SRCAP: variants seen among roughly 807,000 people sequenced by gnomAD.
SRCAP encodes Snf2 related CREBBP activator protein.
Under a neutral mutation model 263.1 loss-of-function variants are expected in SRCAP, and 46 were observed. The ratio of observed to expected loss-of-function variants is 0.17; its 90% CI spans 0.14 to 0.22. The LOEUF (loss-of-function observed/expected upper bound fraction) is 0.22, where lower values mean the gene tolerates loss of function less well. SRCAP is among the 10% of genes least tolerant of loss of function. The pLI is 1.00. For synonymous variants in SRCAP, 1,813 were observed against 1,662.1 expected, an observed-to-expected ratio of 1.09 and a Z score of -2.21; for missense variants, 3,695 against 4,181.9, an observed-to-expected ratio of 0.88 and a Z score of 3.21.
At position 30,723,016 on chromosome 16, in the gene SRCAP, G is replaced by A. The variant is rs375447245; in HGVS notation, c.3946G>A (p.Ala1316Thr). The change falls in exon 24 of 34, where the codon GCC becomes ACC. Residue 1316 changes from alanine to threonine, a missense_variant. This residue lies in a region of SRCAP where 1,347 missense variants were observed against 1,304.4 expected (regional missense o/e 1.03). Transcript: ENST00000262518. ...TGVVKIVVRQ[A>T]PRDGLTPVPP... is the part of the protein sequence containing the mutation. ...CGTGGTGAAGATTGTAGTGAGACAA[G>A]CCCCTCGGGATGGACTGACTCCTGT... The A allele has an allele frequency of 1.9e-6, 3 of 1,614,034 alleles. No individual in the cohort carries two copies. In the South Asian group the frequency reaches 3.3e-5, roughly 18 times the overall value.
chr16:30,703,484 A>G (rs1410122936), intron 3 of SRCAP, among the ~76,000 whole-genome samples: 1 of 150,304 alleles, frequency 6.7e-6, no homozygotes, highest in African/African-American at 2.4e-5. Flanking sequence ...ATGAGCCACC[A>G]CCCCCGGCCT....
At chr16:30,705,027 G>C (rs543196749) in intron 4 of SRCAP, among the ~76,000 whole-genome samples, 1 of 152,220 alleles carries the variant, frequency 6.6e-6, no homozygotes, top group Non-Finnish European at 1.5e-5. Context: ...TTTGCCGGGC[G>C]TGGTGGCTCA....
rs780179423 is a variant in SRCAP at position 30,713,157 on chromosome 16, C to T, written c.2131-51C>T. 3 of 1,573,030 alleles carry T rather than the reference C, an allele frequency of 1.9e-6. No homozygotes were observed. In the East Asian group the frequency reaches 6.7e-5, roughly 35 times the overall value. ...AGGAGTTTAGCATGTCTTCCCTTTG[C>T]TCTCTTCTTTTCATCCCACTATCTG... On this transcript the variant is annotated intron_variant, in intron 14 of 33. Transcript: ENST00000262518.
chr16:30,720,095 C>A, intron 18 of SRCAP, 67 bp from the exon 19 acceptor site: 1 of 1,535,560 alleles, frequency 6.5e-7, no homozygotes, highest in Non-Finnish European at 8.9e-7. Flanking sequence ...TGGCCTCCAG[C>A]TACATCTGCG....
In SRCAP at chr16:30,733,963, C is replaced by T. The variant is rs2053136083; in HGVS notation, c.6564C>T (p.Asp2188=). ...KKANQKRMLG[D]MAIEGGNFTT... is the part of the protein sequence containing the mutation. ...CAAATCAGAAGAGAATGTTGGGGGACATGGCCATTGAGGGAGGCAACTTCA... is the reference window on the plus strand; with the variant it reads ...CAAATCAGAAGAGAATGTTGGGGGATATGGCCATTGAGGGAGGCAACTTCA... Residue 2188 remains aspartate, a synonymous_variant, in exon 30 of 34, where the codon GAC becomes GAT. Coordinates refer to ENST00000262518, the MANE Select transcript of SRCAP (RefSeq NM_006662.3). This position sits in a 1 kb window ranked among gnomAD's most constrained non-coding sequence, Gnocchi z 5.3. The T allele has an allele frequency of 2.5e-6, 4 of 1,613,264 alleles. No homozygotes were observed. Among genetic ancestry groups the T allele is most frequent in the Non-Finnish European group, 2.5e-6 (3 of 1,179,584 alleles).
At position 30,707,557 on chromosome 16, in the gene SRCAP, T is replaced by G. The variant is rs1402826984; in HGVS notation, c.493-15T>G. 4 of 1,611,644 alleles carry G rather than the reference T, an allele frequency of 2.5e-6. No individual in the cohort carries two copies. The highest frequency in any genetic ancestry group is 3.4e-6 in the Non-Finnish European group (4 of 1,178,970). On this transcript the variant is annotated splice_polypyrimidine_tract_variant and intron_variant, in intron 5 of 33. Coordinates refer to ENST00000262518, the MANE Select transcript of SRCAP (RefSeq NM_006662.3). ...TGGCTTTGAGTGTTTTCACCCTGGG[T>G]CTTCATTCCCACAGGTGGTGCGCAT...
chr16:30,716,084 C>G lies in SRCAP; in HGVS notation c.2512C>G (p.Leu838Val). Reference protein sequence around the residue: ...RLHKVLRPFLLRRVKVDVEKQ... With the variant: ...RLHKVLRPFLVRRVKVDVEKQ... ...CTTTTAGGTTTTGAGGCCTTTTTTA[C>G]TGCGCCGAGTTAAGGTGGATGTTGA... Residue 838 changes from leucine to valine, a missense_variant, in exon 17 of 34, where the codon CTG becomes GTG. Transcript: ENST00000262518. The G allele has an allele frequency of 6.2e-7, 1 of 1,614,148 alleles. No homozygotes were observed. Among genetic ancestry groups the G allele is most frequent in the Non-Finnish European group, 8.5e-7 (1 of 1,180,034 alleles).
chr16:30,720,687 C>A (rs919674099), intron 19 of SRCAP, 26 bp from the exon 20 acceptor site: 2 of 1,569,808 alleles, frequency 1.3e-6, no homozygotes, highest in East Asian at 4.5e-5. Context: ...TCTGTCCCTA[C>A]CCACTCTCTT....
intron 16 of SRCAP, among the ~76,000 whole-genome samples, chr16:30,714,944 G>A (rs1333622316): frequency 6.6e-6 from 1 of 151,734 alleles, no homozygotes; most frequent in South Asian, 2.1e-4. Context: ...GTCTTCTTTG[G>A]CTCTTCCTTT....
Position 30,723,590 on chromosome 16 carries a change from C to G in SRCAP, c.4166C>G (p.Ala1389Gly). 1 of 1,611,382 alleles carries G rather than the reference C, an allele frequency of 6.2e-7. No individual in the cohort carries two copies. Among genetic ancestry groups the G allele is most frequent in the Non-Finnish European group, 8.5e-7 (1 of 1,178,494 alleles). The change falls in exon 25 of 34, where the codon GCC becomes GGC. Residue 1389 changes from alanine (A) to glycine (G), a missense_variant. Physicochemically the swap from Ala to Gly is moderately conservative, Grantham distance 60. Around this residue, in one of 12 missense-constraint regions of SRCAP, gnomAD observed 1,347 missense variants for 1,304.4 expected, o/e 1.03. Coordinates refer to ENST00000262518, the MANE Select transcript of SRCAP (RefSeq NM_006662.3). Reference protein sequence around the residue: ...HSPSPEVSASAPGAAPLTISS... With the variant: ...HSPSPEVSASGPGAAPLTISS... The stretch of plus-strand genomic sequence containing the variant: ...TCATCCTCTCTCTCCACAGCTTCAG[C>G]CCCCGGAGCTGCCCCCTTGACCATC...
intron 16 of SRCAP, among the ~76,000 whole-genome samples, chr16:30,714,509 T>TTTTTTTTTTTA (rs2052926283): frequency 7.7e-6 from 1 of 130,152 alleles, no homozygotes; most frequent in East Asian, 2.3e-4. Context: ...GTGCCGGGCT[T>TTTTTTTTTTTA]TTTTTTTTTT....
intron 31 of SRCAP, among the ~76,000 whole-genome samples, chr16:30,734,971 TCCC>T (rs1364410566): frequency 1.3e-5 from 2 of 152,058 alleles, no homozygotes; most frequent in Non-Finnish European, 2.9e-5. Context: ...AGGCTGAGGC[TCCC>T]AGCTGGAGAG....
At position 30,740,141 on chromosome 16, in the gene SRCAP, A is replaced by C. The variant is rs1164195403; in HGVS notation, c.*408A>C. ...TTTCTGTATGAGCATCCGCGTAAGG[A>C]GGCTTCTGATTTTCTGGTCTGGTGG... On this transcript the variant is annotated 3_prime_UTR_variant, in exon 34 of 34. Coordinates refer to ENST00000262518, the MANE Select transcript of SRCAP (RefSeq NM_006662.3). 1 of 151,582 alleles carries C rather than the reference A, an allele frequency of 6.6e-6. No individual in the cohort carries two copies. Among genetic ancestry groups the C allele is most frequent in the African/African-American group, 2.5e-5 (1 of 40,506 alleles). 9.4% of individuals were successfully genotyped at this position (151,582 alleles called of 1,614,324 possible). A position where few individuals can be genotyped will look rare whatever the true frequency, so the allele number is the denominator to read the frequency against.
At chr16:30,734,359 G>A in intron 30 of SRCAP, 137 bp from the exon 31 acceptor site, 1 of 1,308,062 alleles carries the variant, frequency 7.6e-7, no homozygotes, top group East Asian at 2.4e-5. Context: ...AAAACAAAAA[G>A]GACTGCTTTG....
chr16:30,734,281 T>C, intron 30 of SRCAP: 1 of 666,620 alleles, frequency 1.5e-6, no homozygotes, highest in East Asian at 2.8e-5. Flanking sequence ...AGGCGGAGGT[T>C]GCAGTGAGTT....
Position 30,738,907 on chromosome 16 carries a change from C to G in SRCAP, c.8867C>G (p.Ser2956Cys), listed in dbSNP as rs756483223. Reference sequence around the variant, plus strand: ...TTGCCCATCCCTGGGACCATTTCCTCTGCAGGGGATGGCAACTCCGAAAGT... The same window carrying G: ...TTGCCCATCCCTGGGACCATTTCCTGTGCAGGGGATGGCAACTCCGAAAGT... Reference protein sequence around the residue: ...RDLPIPGTISSAGDGNSESRT... With the variant: ...RDLPIPGTISCAGDGNSESRT... The change falls in exon 34 of 34, where the codon TCT becomes TGT. Residue 2956 changes from serine (S) to cysteine (C), a missense_variant. Around this residue, in one of 12 missense-constraint regions of SRCAP, gnomAD observed 1,207 missense variants for 1,142.9 expected, o/e 1.06. Coordinates refer to ENST00000262518, the MANE Select transcript of SRCAP (RefSeq NM_006662.3). 6.2e-7 allele frequency: 1 copy of G among 1,614,170 alleles called. No individual in the cohort carries two copies. Among genetic ancestry groups the G allele is most frequent in the East Asian group, 2.2e-5 (1 of 44,878 alleles).
In SRCAP at chr16:30,738,090, A is replaced by C. The variant is rs201528777; in HGVS notation, c.8050A>C (p.Thr2684Pro). The change falls in exon 34 of 34, where the codon ACC (threonine) becomes CCC (proline). Residue 2684 changes from threonine (T) to proline (P), a missense_variant. By Grantham distance (38) the Thr-to-Pro change is conservative. This residue lies in a region of SRCAP where 1,207 missense variants were observed against 1,142.9 expected (regional missense o/e 1.06). Transcript: ENST00000262518. ...SEELTEAKTP[T>P]SSPEKPQELV... is the part of the protein sequence containing the mutation. The stretch of plus-strand genomic sequence containing the variant: ...AGAGCTGACAGAGGCCAAGACCCCA[A>C]CCTCCAGCCCAGAGAAGCCACAGGA... 3.1e-6 allele frequency: 5 copies of C among 1,613,772 alleles called. No individual in the cohort carries two copies. The highest frequency in any genetic ancestry group is 1.6e-4 in the Middle Eastern group (1 of 6,062).
intron 14 of SRCAP, 66 bp from the exon 15 acceptor site, chr16:30,713,142 C>T (rs2052910589): frequency 1.3e-6 from 2 of 1,512,970 alleles, no homozygotes; most frequent in Non-Finnish European, 1.8e-6. Flanking sequence ...AGGAGTTTAG[C>T]ATGTCTTCCC....
intron 25 of SRCAP, chr16:30,725,314 C>T (rs2053053867): frequency 3.7e-6 from 3 of 804,240 alleles, no homozygotes; most frequent in Non-Finnish European, 3.6e-6. Context: ...AGCCACCACG[C>T]CCGGCCTCTT....
Sources: gnomAD v4.1 joint callset for allele counts (sites outside exome capture counted in the v4.1 genomes callset) on GRCh38, gnomAD v4.1.1 for gene constraint, gnomAD v4.1.1 regional missense constraint, Gnocchi (gnomAD v3.1) non-coding constraint, MANE v1.5 for transcripts, NCBI Gene and HGNC (gene_info 2026-07-23, HGNC 2026-07-21) for gene names.